KIF1B: variants seen among roughly 807,000 people sequenced by gnomAD.
The protein encoded by KIF1B is kinesin-like protein KIF1B.
KIF1B carries 76 observed loss-of-function variants against 241.9 expected under a neutral mutation model. That is an observed-to-expected ratio of 0.31 (90% CI 0.26 to 0.38). The LOEUF is 0.38. KIF1B is among the 10% of genes least tolerant of loss of function. The probability of loss-of-function intolerance (pLI) is 1.00; values close to 1 mark genes in which losing one functional copy is unlikely to be tolerated. For missense variants in KIF1B, 1,622 were observed against 2,271.4 expected (o/e 0.71, Z 5.81); for synonymous variants, 750 against 796.7 (o/e 0.94, Z 0.99).
rs1001768942 is a variant in KIF1B, at chr1:10,375,353, A to C, written c.5388A>C (p.Pro1796=). ...DMNDWLYAFN[P]LLAGTIRSKL... ...ACGACTGGTTGTATGCCTTCAACCC[A>C]CTTCTAGCTGGCACAATACGGTAAG... The change falls in exon 48 of 49, where the codon CCA becomes CCC. Residue 1796 remains proline (P), a synonymous_variant. Coordinates refer to ENST00000676179, the MANE Select transcript of KIF1B (RefSeq NM_001365951.3). 5 of 1,613,102 alleles carry C rather than the reference A, an allele frequency of 3.1e-6. No homozygotes were observed. The African/African-American group carries it at 5.3e-5, about 17-fold the overall frequency.
intron 27 of KIF1B, among the ~76,000 whole-genome samples, chr1:10,331,043 C>G (rs183646572): frequency 1.7e-4 from 25 of 151,112 alleles, no homozygotes; most frequent in Non-Finnish European, 2.2e-4. Flanking sequence ...GGTGAATCAC[C>G]TGAGATCAGG....
At chr1:10,372,656 TGACAGAGCTGTCACCCAAG>T (rs1638770557) in intron 45 of KIF1B, among the ~76,000 whole-genome samples, 1 of 113,918 alleles carries the variant, frequency 8.8e-6, no homozygotes, top group African/African-American at 3.5e-5. Context: ...CCAGCTTGGG[TGACAGAGCTGTCACCCAAG>T]CTGGCGCGCA....
chr1:10,215,976 T>C (rs773144362), intron 1 of KIF1B, among the ~76,000 whole-genome samples: 3 of 152,314 alleles, frequency 2.0e-5, no homozygotes, highest in African/African-American at 4.8e-5. Flanking sequence ...AGTGATAAAA[T>C]AGCTTATTCA....
At chr1:10,236,963 G>C (rs530352949) in intron 2 of KIF1B, among the ~76,000 whole-genome samples, 1 of 152,248 alleles carries the variant, frequency 6.6e-6, no homozygotes, top group East Asian at 1.9e-4. Context: ...TGGCAAGCTG[G>C]CCTGGACTGT....
At chr1:10,272,526 G>T (rs1648856277) in intron 9 of KIF1B, 1 of 613,060 alleles carries the variant, frequency 1.6e-6, no homozygotes, top group East Asian at 3.1e-5. Context: ...ATATAGATCT[G>T]TAAAAACTAG....
chr1:10,342,200 G>T, intron 33 of KIF1B, 32 bp downstream of exon 33: 1 of 1,326,514 alleles, frequency 7.5e-7, no homozygotes, highest in East Asian at 2.3e-5. Flanking sequence ...ATTTTTGATG[G>T]TATTGTTTTG....
rs776392893 is a variant in KIF1B, at chr1:10,296,985, T to C, written c.1950T>C (p.Ala650=). ...CTGAGCGAGAGAAGACTCCTTCTGC[T>C]GAGACCCCCTCTGAGCCTGTGGACT... The part of the protein sequence containing the change: ...ARAEREKTPS[A]ETPSEPVDWT... The change falls in exon 21 of 49, where the codon GCT becomes GCC. Residue 650 remains alanine (A), a synonymous_variant. Transcript: ENST00000676179. 3.7e-6 allele frequency: 6 copies of C among 1,613,988 alleles called. No homozygotes were observed. The Admixed American group carries it at 6.7e-5, about 18-fold the overall frequency.
At chr1:10,255,579 G>A (rs1034434139) in intron 2 of KIF1B, among the ~76,000 whole-genome samples, 2 of 152,154 alleles carry the variant, frequency 1.3e-5, no homozygotes, top group Admixed American at 1.3e-4. Flanking sequence ...AATAGAGCAA[G>A]ACTCTGTCTT....
chr1:10,216,024 C>A (rs931681654), intron 1 of KIF1B, among the ~76,000 whole-genome samples: 1 of 152,116 alleles, frequency 6.6e-6, no homozygotes, highest in Admixed American at 6.6e-5. Context: ...TTTTTCTAAG[C>A]ACTTTACGTT....
intron 1 of KIF1B, among the ~76,000 whole-genome samples, chr1:10,223,543 T>TTTG (rs1022136341): frequency 4.5e-5 from 6 of 131,990 alleles, no homozygotes; most frequent in African/African-American, 1.4e-4. Context: ...TTTGTTTTGT[T>TTTG]TTGTTTTTTT....
At chr1:10,218,501 A>G (rs1234756054) in intron 1 of KIF1B, among the ~76,000 whole-genome samples, 2 of 151,800 alleles carry the variant, frequency 1.3e-5, no homozygotes, top group African/African-American at 2.4e-5. Context: ...GCTCACTGCA[A>G]CCTTCATCTC....
intron 17 of KIF1B, among the ~76,000 whole-genome samples, 179 bp from the exon 18 acceptor site, chr1:10,294,907 T>A (rs957476592): frequency 1.3e-5 from 2 of 152,128 alleles, no homozygotes; most frequent in African/African-American, 2.4e-5. Context: ...TGGTTCCGTT[T>A]GGTGAGGCCT....
At chr1:10,237,542 CT>C (rs1242338317) in intron 2 of KIF1B, among the ~76,000 whole-genome samples, 1 of 151,948 alleles carries the variant, frequency 6.6e-6, no homozygotes, top group Non-Finnish European at 1.5e-5. Flanking sequence ...TTGCCAGGAC[CT>C]TTTTTTTCCC....
chr1:10,260,151 T>C (rs567299310), intron 4 of KIF1B, among the ~76,000 whole-genome samples: 58 of 152,332 alleles, frequency 3.8e-4, no homozygotes, highest in Non-Finnish European at 6.2e-4. Flanking sequence ...TAGACTGCGT[T>C]GTATAGCCTG....
chr1:10,277,878 C>T (rs1418410290), intron 12 of KIF1B, 108 bp from the exon 13 acceptor site: 5 of 966,812 alleles, frequency 5.2e-6, no homozygotes, highest in Admixed American at 2.1e-5. Context: ...TATCAAGGCT[C>T]ATAAAATGTA....
chr1:10,334,149 CAAAAA>C (rs372716443), intron 27 of KIF1B, among the ~76,000 whole-genome samples: 1 of 82,938 alleles, frequency 1.2e-5, no homozygotes, highest in Non-Finnish European at 2.3e-5. Context: ...GACTCTGTCT[CAAAAA>C]AAAAAAAAAA....
At chr1:10,225,794 G>C (rs1646901535) in intron 1 of KIF1B, among the ~76,000 whole-genome samples, 2 of 152,052 alleles carry the variant, frequency 1.3e-5, no homozygotes, top group Non-Finnish European at 2.9e-5. Context: ...AAAAATAGGT[G>C]GTTTATGTTG....
rs570763004 is a variant in KIF1B at position 10,323,353 on chromosome 1, G to A, written c.2359-531G>A. Among the ~76,000 whole-genome samples the A allele has an allele frequency of 1.9e-3, 296 of 152,202 alleles. 1 individual carries two copies. Among genetic ancestry groups the A allele is most frequent in the African/African-American group, 6.8e-3 (284 of 41,508 alleles). On this transcript the variant is annotated intron_variant, in intron 24 of 48. Transcript: ENST00000676179. ...ATGTATTTATAAAGATTTTATGCCG[G>A]GTGTGGTGGGTTGTGCCTGTGATCT...
At chr1:10,342,211 ATT>A in intron 33 of KIF1B, 43 bp downstream of exon 33, 1 of 1,229,262 alleles carries the variant, frequency 8.1e-7, no homozygotes, top group Non-Finnish European at 1.2e-6. Flanking sequence ...TATTGTTTTG[ATT>A]TTTAGTTTCT....
Sources: allele counts gnomAD v4.1 joint callset (sites outside exome capture counted in the v4.1 genomes callset), GRCh38; gene constraint gnomAD v4.1.1; transcripts MANE v1.5; gene names NCBI Gene and HGNC (gene_info 2026-07-23, HGNC 2026-07-21).